Variants in KIAA1671 observed in about 807,000 individuals in gnomAD.
KIAA1671 encodes KIAA1671.
In KIAA1671, 52 loss-of-function variants were observed where a neutral mutation model predicts 131.2. The observed-to-expected ratio is 0.40, with a 90% confidence interval of 0.32 to 0.50. The LOEUF (loss-of-function observed/expected upper bound fraction) is 0.50. KIAA1671 is among the 20% of genes least tolerant of loss of function. The pLI, the probability that KIAA1671 is intolerant of heterozygous loss-of-function variation, is 0.73. For synonymous variants in KIAA1671, 1,003 were observed against 961.6 expected, an observed-to-expected ratio of 1.04 and a Z score of -0.80; for missense variants, 2,360 against 2,364.2, an observed-to-expected ratio of 1.00 and a Z score of 0.04.
chr22:25,074,547 G>A (rs1168306029), intron 6 of KIAA1671, among the ~76,000 whole-genome samples: 2 of 144,288 alleles, frequency 1.4e-5, no homozygotes, highest in Non-Finnish European at 3.0e-5. Flanking sequence ...ATATATATAT[G>A]TATATGTGTA....
At chr22:25,045,164 GA>G (rs1210710782) in intron 5 of KIAA1671, among the ~76,000 whole-genome samples, 1 of 140,798 alleles carries the variant, frequency 7.1e-6, no homozygotes, top group Admixed American at 7.1e-5. Flanking sequence ...CCGTCTCAAA[GA>G]AAAAAAAAAA....
chr22:25,122,854 A>G (rs1380676549), intron 6 of KIAA1671, among the ~76,000 whole-genome samples: 2 of 152,232 alleles, frequency 1.3e-5, no homozygotes, highest in East Asian at 3.9e-4. Context: ...GGGCGCCTGT[A>G]GTCCCAGCTA....
chr22:25,117,855 A>C (rs562294150), intron 6 of KIAA1671, among the ~76,000 whole-genome samples: 1 of 152,088 alleles, frequency 6.6e-6, no homozygotes, highest in Non-Finnish European at 1.5e-5. Flanking sequence ...AAATGTCAGC[A>C]GTCGGCCGGG....
At chr22:25,008,902 G>T (rs1432485273) in intron 1 of KIAA1671, among the ~76,000 whole-genome samples, 1 of 152,248 alleles carries the variant, frequency 6.6e-6, no homozygotes, top group Non-Finnish European at 1.5e-5. Flanking sequence ...CATGCCCTGA[G>T]GCTGGCAGTG....
chr22:24,955,965 CA>C (rs2123790157), intron 1 of KIAA1671, among the ~76,000 whole-genome samples: 1 of 144,610 alleles, frequency 6.9e-6, no homozygotes, highest in East Asian at 2.0e-4. Flanking sequence ...GCGGAGCTTG[CA>C]GTGAAGCAAG....
intron 6 of KIAA1671, chr22:25,061,980 T>C (rs1476041808): frequency 6.6e-6 from 1 of 152,290 alleles, no homozygotes; most frequent in African/African-American, 2.4e-5. Context: ...CTCCTGTTTT[T>C]TCTCCTCCTT....
chr22:25,008,073 C>T (rs1333141525), intron 1 of KIAA1671, among the ~76,000 whole-genome samples: 1 of 151,792 alleles, frequency 6.6e-6, no homozygotes, highest in Non-Finnish European at 1.5e-5. Context: ...TGGCAGGTGC[C>T]TGTAATCCCA....
intron 4 of KIAA1671, among the ~76,000 whole-genome samples, chr22:25,036,920 A>T (rs1417923713): frequency 6.6e-6 from 1 of 151,480 alleles, no homozygotes; most frequent in Non-Finnish European, 1.5e-5. Flanking sequence ...GCGAAACTCC[A>T]TCTCAAAAAA....
Position 25,174,396 on chromosome 22 carries a change from C to T in KIAA1671, c.4806C>T (p.Ser1602=), listed in dbSNP as rs73407439. The change falls in exon 8 of 13, where the codon TCC becomes TCT. Residue 1602 remains serine (S), a synonymous_variant. Coordinates refer to ENST00000358431, the MANE Select transcript of KIAA1671 (RefSeq NM_001145206.2). ...AGCGGAGCACCAGCGTGGACCACTCCAGCACTGACCTGGAATCCACCGATG... is the reference window on the plus strand; with the variant it reads ...AGCGGAGCACCAGCGTGGACCACTCTAGCACTGACCTGGAATCCACCGATG... The part of the protein sequence containing the change: ...RDQRSTSVDH[S]STDLESTDGM... 1.9e-4 allele frequency: 291 copies of T among 1,551,934 alleles called. No homozygotes were observed. In the African/African-American group the frequency reaches 3.8e-3, roughly 20 times the overall value.
At chr22:25,190,270 T>C (rs1356182828) in intron 11 of KIAA1671, among the ~76,000 whole-genome samples, 1 of 152,064 alleles carries the variant, frequency 6.6e-6, no homozygotes, top group Non-Finnish European at 1.5e-5. Context: ...CTAGATCCCT[T>C]GCATGCACAG....
At chr22:24,982,633 CTT>C (rs1019932546) in intron 1 of KIAA1671, among the ~76,000 whole-genome samples, 1 of 152,184 alleles carries the variant, frequency 6.6e-6, no homozygotes, top group African/African-American at 2.4e-5. Context: ...GCTGGGGTAA[CTT>C]GAGTCTAGGG....
intron 6 of KIAA1671, among the ~76,000 whole-genome samples, chr22:25,124,300 C>G (rs1467655623): frequency 6.6e-6 from 1 of 152,228 alleles, no homozygotes; most frequent in Non-Finnish European, 1.5e-5. Context: ...GCATCAGTTT[C>G]TAGTCCAGAG....
intron 1 of KIAA1671, chr22:25,013,946 GA>G (rs1313661740): frequency 6.6e-6 from 1 of 152,194 alleles, no homozygotes; most frequent in Admixed American, 6.5e-5. Context: ...TAAGAACCCT[GA>G]CCTCCAAAGC....
At chr22:24,971,846 G>A (rs1244530437) in intron 1 of KIAA1671, among the ~76,000 whole-genome samples, 4 of 152,122 alleles carry the variant, frequency 2.6e-5, no homozygotes, top group South Asian at 4.1e-4. Context: ...AATTCTTAAC[G>A]TGCCACAGTT....
chr22:24,980,292 G>A (rs1291437609), intron 1 of KIAA1671, among the ~76,000 whole-genome samples: 1 of 123,600 alleles, frequency 8.1e-6, no homozygotes. Context: ...TTTTTTTTGA[G>A]ACGGCGTCTT....
rs754040426 is a variant in KIAA1671 at position 25,135,080 on chromosome 22, C to T, written c.4531-35740C>T. ...CAGTAAGGCATTTGTTTGTGACAGT[C>T]CCTATCCCTGCCCCATCTCATTTAG... is the stretch of plus-strand genomic sequence containing the variant. On this transcript the variant is annotated intron_variant, in intron 6 of 12. Transcript: ENST00000358431. Among the ~76,000 whole-genome samples the T allele has an allele frequency of 4.7e-4, 72 of 152,154 alleles. 1 individual carries two copies. The highest frequency in any genetic ancestry group is 1.8e-4 in the Non-Finnish European group (12 of 68,022).
chr22:24,965,522 C>T (rs967973698), intron 1 of KIAA1671, among the ~76,000 whole-genome samples: 7 of 149,936 alleles, frequency 4.7e-5, no homozygotes, highest in African/African-American at 1.7e-4. Context: ...AGACAGATCA[C>T]GAGGTCAGGA....
intron 6 of KIAA1671, among the ~76,000 whole-genome samples, chr22:25,125,302 A>T (rs1932127517): frequency 6.6e-6 from 1 of 152,246 alleles, no homozygotes; most frequent in Admixed American, 6.5e-5. Flanking sequence ...CCAGCCACTG[A>T]GCTAAGCAGA....
intron 6 of KIAA1671, among the ~76,000 whole-genome samples, chr22:25,085,011 C>T (rs556810522): frequency 6.6e-6 from 1 of 152,356 alleles, no homozygotes; most frequent in African/African-American, 2.4e-5. Context: ...ACAGGACTTA[C>T]ATAGCGTCAC....
Sources: allele counts gnomAD v4.1 joint callset (sites outside exome capture counted in the v4.1 genomes callset), GRCh38; gene constraint gnomAD v4.1.1; transcripts MANE v1.5; gene names NCBI Gene and HGNC (gene_info 2026-07-23, HGNC 2026-07-21).